Variants in CGNL1 observed in about 807,000 individuals in gnomAD.
CGNL1 encodes the protein cingulin like 1.
In CGNL1, 132 loss-of-function variants were observed where a neutral mutation model predicts 141.2. The ratio of observed to expected loss-of-function variants is 0.93; its 90% CI spans 0.81 to 1.08. The LOEUF (loss-of-function observed/expected upper bound fraction) is 1.08, where lower values mean the gene tolerates loss of function less well. CGNL1 is among the 50% of genes least tolerant of loss of function. The pLI is 0.00. For synonymous variants in CGNL1, 690 were observed against 622.1 expected (o/e 1.11, Z -1.63); for missense variants, 1,870 against 1,588.6 (o/e 1.18, Z -3.01).
chr15:57,524,669 TC>T lies in CGNL1; in HGVS notation c.2958del (p.Ala987GlnfsTer7). 1 of 1,614,120 alleles carries T rather than the reference TC, an allele frequency of 6.2e-7. No individual in the cohort carries two copies. Among genetic ancestry groups the T allele is most frequent in the Non-Finnish European group, 8.5e-7 (1 of 1,180,024 alleles). ...DEYKEKNRRE[L>X]AEMQRQLKEK... ...TATAAGGAGAAAAACCGCAGGGAGC[TC>T]GCAGAAATGCAAAGACAGTTGAAGG... is the stretch of plus-strand genomic sequence containing the variant. On this transcript the variant is annotated frameshift_variant, in exon 12 of 19. Transcript: ENST00000281282. LOFTEE classifies it high-confidence loss of function.
At position 57,483,073 on chromosome 15, in the gene CGNL1, C is replaced by T. The variant is rs562362444; in HGVS notation, c.2403+21181C>T. 2.6e-5 allele frequency among the ~76,000 whole-genome samples: 4 copies of T among 152,334 alleles called. No homozygotes were observed. The South Asian group carries it at 8.3e-4, about 32-fold the overall frequency. On this transcript the variant is annotated intron_variant, in intron 8 of 18. Coordinates refer to ENST00000281282, the MANE Select transcript of CGNL1 (RefSeq NM_032866.5). ...AAGTGCTGGGATTATAGGAGTGAGC[C>T]ACTGCGCCTGGCCTACCTTTTCATA...
intron 17 of CGNL1, 86 bp from the exon 18 acceptor site, chr15:57,545,990 G>A: frequency 1.4e-6 from 2 of 1,464,578 alleles, no homozygotes; most frequent in Admixed American, 2.0e-5. Context: ...TGGTTGCCTG[G>A]GGAGATGGTG....
At chr15:57,517,727 A>C (rs999596133) in intron 9 of CGNL1, among the ~76,000 whole-genome samples, 8 of 152,194 alleles carry the variant, frequency 5.3e-5, no homozygotes, top group Non-Finnish European at 1.0e-4. Context: ...ACACTTGTCC[A>C]TTGACCAGGA....
intron 1 of CGNL1, among the ~76,000 whole-genome samples, chr15:57,421,120 G>T (rs80168281): frequency 1.3e-5 from 2 of 152,132 alleles, no homozygotes; most frequent in Non-Finnish European, 2.9e-5. Context: ...GAGATTATCT[G>T]TGTGCTCTTA....
chr15:57,439,609 T>C lies in CGNL1; in HGVS notation c.1602+8T>C, dbSNP rs1451913104. On this transcript the variant is annotated splice_region_variant and intron_variant, in intron 2 of 18. Coordinates refer to ENST00000281282, the MANE Select transcript of CGNL1 (RefSeq NM_032866.5). ...TCGGCCTCAAATACTCAGGTAACACTAGTGCGATTCCTGTTTGGTTTTTTT... is the reference window on the plus strand; with the variant it reads ...TCGGCCTCAAATACTCAGGTAACACCAGTGCGATTCCTGTTTGGTTTTTTT... 6 of 1,608,130 alleles carry C rather than the reference T, an allele frequency of 3.7e-6. No homozygotes were observed. Among genetic ancestry groups the C allele is most frequent in the Non-Finnish European group, 5.1e-6 (6 of 1,176,560 alleles).
At chr15:57,530,783 T>C (rs1363279179) in intron 13 of CGNL1, among the ~76,000 whole-genome samples, 1 of 152,236 alleles carries the variant, frequency 6.6e-6, no homozygotes, top group African/African-American at 2.4e-5. Flanking sequence ...CCTGGGTGTT[T>C]TATTGTGATA....
intron 1 of CGNL1, among the ~76,000 whole-genome samples, chr15:57,406,399 G>A (rs1199702608): frequency 6.6e-6 from 1 of 152,178 alleles, no homozygotes; most frequent in Non-Finnish European, 1.5e-5. Flanking sequence ...CTAAGAGAAG[G>A]AGGGCAGAGC....
chr15:57,404,146 C>T (rs1240662169), intron 1 of CGNL1, among the ~76,000 whole-genome samples: 4 of 152,166 alleles, frequency 2.6e-5, no homozygotes, highest in African/African-American at 4.8e-5. Flanking sequence ...TTAACCAAGC[C>T]CAGAAGCCAG....
chr15:57,434,855 T>C (rs184608354), intron 1 of CGNL1, among the ~76,000 whole-genome samples: 189 of 152,270 alleles, frequency 1.2e-3, no homozygotes, highest in African/African-American at 4.5e-3. Flanking sequence ...TTTTTTTCCA[T>C]AGGACTTTTT....
chr15:57,429,437 A>G (rs371091122), intron 1 of CGNL1, among the ~76,000 whole-genome samples: 1 of 152,250 alleles, frequency 6.6e-6, no homozygotes, highest in African/African-American at 2.4e-5. Flanking sequence ...ATTTGCGCTT[A>G]GAGAGAAAAC....
At position 57,439,015 on chromosome 15, in the gene CGNL1, C is replaced by T; in HGVS notation, c.1016C>T (p.Pro339Leu). The T allele has an allele frequency of 6.2e-7, 1 of 1,614,182 alleles. No homozygotes were observed. ...AACAGAAGGTATATTCCCTTCCTGCCAGGAACTGGACGGGATATTGATACA... is the reference window on the plus strand; with the variant it reads ...AACAGAAGGTATATTCCCTTCCTGCTAGGAACTGGACGGGATATTGATACA... ...HENRRYIPFL[P>L]GTGRDIDTGS... The change falls in exon 2 of 19, where the codon CCA becomes CTA. Residue 339 changes from proline (P) to leucine (L), a missense_variant. Transcript: ENST00000281282.
At chr15:57,454,044 T>C (rs1159358136) in intron 7 of CGNL1, among the ~76,000 whole-genome samples, 2 of 152,204 alleles carry the variant, frequency 1.3e-5, no homozygotes, top group Non-Finnish European at 2.9e-5. Context: ...TAGATTATTA[T>C]CTTGTTGAGG....
chr15:57,482,654 C>G (rs1349790530), intron 8 of CGNL1, among the ~76,000 whole-genome samples: 1 of 152,192 alleles, frequency 6.6e-6, no homozygotes, highest in Non-Finnish European at 1.5e-5. Context: ...GTCTATCCCT[C>G]TACCAGTATC....
At chr15:57,504,182 C>T (rs779246595) in intron 8 of CGNL1, among the ~76,000 whole-genome samples, 30 of 152,188 alleles carry the variant, frequency 2.0e-4, no homozygotes, top group South Asian at 4.1e-4. Flanking sequence ...GCACAGTGCA[C>T]GCCTGGCCAC....
intron 14 of CGNL1, among the ~76,000 whole-genome samples, chr15:57,532,239 A>T (rs2031992537): frequency 1.3e-5 from 2 of 152,218 alleles, no homozygotes. Flanking sequence ...AAGGGCTGAG[A>T]CTAGTGAATA....
chr15:57,440,253 G>T, intron 2 of CGNL1, 124 bp from the exon 3 acceptor site: 1 of 701,586 alleles, frequency 1.4e-6, no homozygotes, highest in South Asian at 1.8e-5. Flanking sequence ...ACTTCCCCAA[G>T]ATTATGAAGC....
chr15:57,520,227 C>T (rs1456406321), intron 10 of CGNL1, among the ~76,000 whole-genome samples: 1 of 152,198 alleles, frequency 6.6e-6, no homozygotes, highest in East Asian at 1.9e-4. Context: ...ATGAAAAAAG[C>T]ACCATCGCTC....
chr15:57,486,586 A>C (rs773732044), intron 8 of CGNL1, among the ~76,000 whole-genome samples: 3 of 151,990 alleles, frequency 2.0e-5, no homozygotes, highest in African/African-American at 2.4e-5. Flanking sequence ...TTGATTGGAG[A>C]GAATGAGTGA....
intron 7 of CGNL1, among the ~76,000 whole-genome samples, chr15:57,460,664 C>T (rs1456164340): frequency 6.6e-6 from 1 of 152,130 alleles, no homozygotes; most frequent in South Asian, 2.1e-4. Context: ...CCTTATAAAA[C>T]CATCATATCT....
Sources: gnomAD v4.1 joint callset for allele counts (sites outside exome capture counted in the v4.1 genomes callset) on GRCh38, gnomAD v4.1.1 for gene constraint, MANE v1.5 for transcripts, NCBI Gene and HGNC (gene_info 2026-07-23, HGNC 2026-07-21) for gene names.